AKAP9: variants seen among roughly 807,000 people sequenced by gnomAD.
AKAP9 encodes A-kinase anchoring protein 9, also known as A-kinase anchor protein 9.
AKAP9 carries 311 observed loss-of-function variants against 488.5 expected under a neutral mutation model. The ratio of observed to expected loss-of-function variants is 0.64; its 90% CI spans 0.58 to 0.70. The LOEUF (loss-of-function observed/expected upper bound fraction) is 0.70, where lower values mean the gene tolerates loss of function less well. AKAP9 is among the 30% of genes least tolerant of loss of function. The pLI, the probability that AKAP9 is intolerant of heterozygous loss-of-function variation, is 0.00. For missense variants in AKAP9, 4,215 were observed against 4,374.5 expected, an observed-to-expected ratio of 0.96 and a Z score of 1.03; for synonymous variants, 1,462 against 1,483.5, an observed-to-expected ratio of 0.99 and a Z score of 0.33.
At chr7:92,069,459 T>G (rs1318396404) in intron 26 of AKAP9, among the ~76,000 whole-genome samples, 2 of 152,240 alleles carry the variant, frequency 1.3e-5, no homozygotes, top group Non-Finnish European at 2.9e-5. Flanking sequence ...ATGTCACCTT[T>G]GTTGGAGACA....
chr7:92,024,439 G>GTATATA (rs60256828), intron 14 of AKAP9, among the ~76,000 whole-genome samples: 1,495 of 147,062 alleles, frequency 0.01, 13 homozygotes, highest in Non-Finnish European at 0.012. Flanking sequence ...ATGTGTGTGT[G>GTATATA]TATATATATA....
chr7:91,943,408 T>G (rs926638406), intron 1 of AKAP9, among the ~76,000 whole-genome samples: 3 of 152,214 alleles, frequency 2.0e-5, no homozygotes, highest in African/African-American at 7.2e-5. Flanking sequence ...GCTTTCAGAT[T>G]AGAACTGAAA....
rs186135650 is a variant in AKAP9, at chr7:92,016,001, G to A, written c.3613-128G>A. The A allele has an allele frequency of 2.4e-4, 164 of 696,968 alleles. No individual in the cohort carries two copies. In the African/African-American group the frequency reaches 2.6e-3, roughly 11 times the overall value. The allele number at this position is 696,968 out of a possible 1,614,324, so 43.2% of individuals were successfully genotyped here. On this transcript the variant is annotated intron_variant, in intron 10 of 49. Coordinates refer to ENST00000356239, the MANE Select transcript of AKAP9 (RefSeq NM_005751.5). ...TTTTGCAGATTGATAAGGGTATGGA[G>A]AGAATGTTTTCTTAATTATTTTTGT...
intron 40 of AKAP9, among the ~76,000 whole-genome samples, chr7:92,096,340 T>TTTG (rs1816565168): frequency 6.7e-6 from 1 of 150,084 alleles, no homozygotes; most frequent in African/African-American, 2.5e-5. Context: ...TTTTGTTTTT[T>TTTG]TTTTTTTTTT....
chr7:92,073,954 G>T (rs1812147557), intron 28 of AKAP9, among the ~76,000 whole-genome samples: 1 of 152,138 alleles, frequency 6.6e-6, no homozygotes, highest in Admixed American at 6.5e-5. Flanking sequence ...CAGGACATAG[G>T]CATGGGCAAG....
At chr7:92,027,824 T>G (rs537638326) in intron 14 of AKAP9, among the ~76,000 whole-genome samples, 21 of 152,296 alleles carry the variant, frequency 1.4e-4, no homozygotes, top group Non-Finnish European at 2.6e-4. Flanking sequence ...CAGGCCATAA[T>G]GACGATGGCG....
chr7:92,036,314 A>AT (rs914701725), intron 16 of AKAP9, among the ~76,000 whole-genome samples: 2 of 144,062 alleles, frequency 1.4e-5, no homozygotes, highest in Non-Finnish European at 1.5e-5. Flanking sequence ...TTTTTTTTTA[A>AT]TTTTTTTTAT....
At chr7:92,080,721 G>T (rs891450543) in intron 31 of AKAP9, among the ~76,000 whole-genome samples, 3 of 152,134 alleles carry the variant, frequency 2.0e-5, no homozygotes, top group Non-Finnish European at 4.4e-5. Context: ...TCTCTTTTGT[G>T]CAACAGTGGC....
chr7:91,984,432 A>G (rs1796813897), intron 3 of AKAP9, among the ~76,000 whole-genome samples: 1 of 152,192 alleles, frequency 6.6e-6, no homozygotes. Context: ...CAAAGATCAA[A>G]TGGTTGGAGA....
At chr7:91,972,852 A>T (rs1241055973) in intron 1 of AKAP9, among the ~76,000 whole-genome samples, 1 of 152,362 alleles carries the variant, frequency 6.6e-6, no homozygotes, top group East Asian at 1.9e-4. Flanking sequence ...TGATGATGAT[A>T]TGTAAACGAT....
chr7:92,050,780 C>A (rs1364958627), intron 21 of AKAP9, among the ~76,000 whole-genome samples: 1 of 152,160 alleles, frequency 6.6e-6, no homozygotes, highest in Non-Finnish European at 1.5e-5. Context: ...ACAGTTGACT[C>A]ATCTTCACAA....
intron 8 of AKAP9, among the ~76,000 whole-genome samples, chr7:92,009,288 A>G (rs1310504112): frequency 6.6e-6 from 1 of 152,150 alleles, no homozygotes; most frequent in Non-Finnish European, 1.5e-5. Context: ...ATCAAAACCT[A>G]CGTATAGATA....
chr7:92,059,690 A>G (rs1809410914), intron 22 of AKAP9, among the ~76,000 whole-genome samples: 1 of 144,900 alleles, frequency 6.9e-6, no homozygotes. Flanking sequence ...GTCATTATGT[A>G]ATGAACAGAA....
At position 92,083,154 on chromosome 7, in the gene AKAP9, A is replaced by G. The variant is rs1357249973; in HGVS notation, c.8161-16A>G. ...TTTTAACTGAATGCCCTACTGTTCTATTCATTACGTTTTAGGTAAAAGAAA... is the reference window on the plus strand; with the variant it reads ...TTTTAACTGAATGCCCTACTGTTCTGTTCATTACGTTTTAGGTAAAAGAAA... On this transcript the variant is annotated splice_polypyrimidine_tract_variant and intron_variant, in intron 32 of 49. Coordinates refer to ENST00000356239, the MANE Select transcript of AKAP9 (RefSeq NM_005751.5). The G allele has an allele frequency of 2.5e-6, 4 of 1,613,374 alleles. No individual in the cohort carries two copies. The highest frequency in any genetic ancestry group is 2.7e-5 in the African/African-American group (2 of 75,018).
At chr7:92,031,256 C>G (rs1328383875) in intron 15 of AKAP9, among the ~76,000 whole-genome samples, 1 of 152,108 alleles carries the variant, frequency 6.6e-6, no homozygotes, top group African/African-American at 2.4e-5. Flanking sequence ...CACTCTAGAA[C>G]TGTATGTTGG....
rs1380582473 is a variant in AKAP9 at position 92,079,867 on chromosome 7, A to G, written c.7734A>G (p.Ser2578=). The stretch of plus-strand genomic sequence containing the variant: ...TCTGTCAAGATAATCAAACAATTTC[A>G]TCAGAACCTGAAAGAACAAATATTC... ...AKFCQDNQTI[S]SEPERTNIQN... The change falls in exon 31 of 50, where the codon TCA becomes TCG. Residue 2578 remains serine (S), a synonymous_variant. Coordinates refer to ENST00000356239, the MANE Select transcript of AKAP9 (RefSeq NM_005751.5). The G allele has an allele frequency of 1.9e-6, 3 of 1,614,100 alleles. No individual in the cohort carries two copies. The highest frequency in any genetic ancestry group is 2.2e-5 in the East Asian group (1 of 44,854).
chr7:92,064,005 C>A (rs986905153), intron 24 of AKAP9, among the ~76,000 whole-genome samples: 1 of 152,174 alleles, frequency 6.6e-6, no homozygotes, highest in Non-Finnish European at 1.5e-5. Context: ...TGGTCTCAAT[C>A]TCCTGGCCTC....
chr7:92,002,298 A>C lies in AKAP9; in HGVS notation c.2381A>C (p.His794Pro), dbSNP rs141176252. Reference protein sequence around the residue: ...KKTLEDMLKIHTPVSQEERLI... With the variant: ...KKTLEDMLKIPTPVSQEERLI... ...ACCCTTGAAGACATGTTGAAAATAC[A>C]TACTCCTGTTAGCCAAGAAGAAAGA... The change falls in exon 8 of 50, where the codon CAT becomes CCT. Residue 794 changes from histidine (H) to proline (P), a missense_variant. Physicochemically the swap from His to Pro is moderately conservative, Grantham distance 77. Transcript: ENST00000356239. 1.2e-6 allele frequency: 2 copies of C among 1,612,706 alleles called. No individual in the cohort carries two copies. The highest frequency in any genetic ancestry group is 1.7e-6 in the Non-Finnish European group (2 of 1,179,248).
chr7:91,972,128 G>T (rs1795182585), intron 1 of AKAP9, among the ~76,000 whole-genome samples: 1 of 151,742 alleles, frequency 6.6e-6, no homozygotes, highest in Admixed American at 6.6e-5. Flanking sequence ...GGTCCCAAAG[G>T]CCCCTAGTCT....
Sources: gnomAD v4.1 joint callset for allele counts (sites outside exome capture counted in the v4.1 genomes callset) on GRCh38, gnomAD v4.1.1 for gene constraint, MANE v1.5 for transcripts, NCBI Gene and HGNC (gene_info 2026-07-23, HGNC 2026-07-21) for gene names.